ZBTB38: variants seen among roughly 807,000 people sequenced by gnomAD.
ZBTB38 encodes the protein zinc finger and BTB domain containing 38.
ZBTB38 carries 20 observed loss-of-function variants against 76.8 expected under a neutral mutation model. The observed-to-expected ratio is 0.26, with a 90% CI of 0.18 to 0.38. The LOEUF (loss-of-function observed/expected upper bound fraction) is 0.38, where lower values mean the gene tolerates loss of function less well. ZBTB38 is among the 10% of genes least tolerant of loss of function. The probability of loss-of-function intolerance (pLI) is 1.00; values close to 1 mark genes in which losing one functional copy is unlikely to be tolerated. For synonymous variants in ZBTB38, 504 were observed against 544.2 expected (o/e 0.93, Z 1.03); for missense variants, 1,082 against 1,482.3 (o/e 0.73, Z 4.43).
intron 2 of ZBTB38, among the ~76,000 whole-genome samples, chr3:141,376,311 A>G (rs1257850110): frequency 6.6e-6 from 1 of 152,206 alleles, no homozygotes; most frequent in Admixed American, 6.5e-5. Flanking sequence ...CTGGTGACAC[A>G]CAAGAGCCAG....
chr3:141,426,781 C>T (rs777579638), intron 5 of ZBTB38, among the ~76,000 whole-genome samples: 70 of 152,278 alleles, frequency 4.6e-4, no homozygotes, highest in Admixed American at 8.5e-4. Flanking sequence ...CAAAGCATGT[C>T]GGTAGTGCTT....
At chr3:141,330,456 C>T (rs1226314775) in intron 1 of ZBTB38, among the ~76,000 whole-genome samples, 1 of 152,180 alleles carries the variant, frequency 6.6e-6, no homozygotes, top group Admixed American at 6.5e-5. Flanking sequence ...CTCTGTGTCC[C>T]TTTTCTGATG....
In ZBTB38 at chr3:141,436,510, T is replaced by G. The variant is rs114089956; in HGVS notation, c.1-5879T>G. Among the ~76,000 whole-genome samples the G allele has an allele frequency of 4.6e-3, 705 of 152,310 alleles. 3 individuals carry two copies. Among genetic ancestry groups the G allele is most frequent in the African/African-American group, 0.014 (563 of 41,556 alleles). ...TCAAAAAAAGCTATATTGATTTTTT[T>G]TGTGTGTGACTGAGTCTTGCTCTGT... is the stretch of plus-strand genomic sequence containing the variant. On this transcript the variant is annotated intron_variant, in intron 5 of 5. Transcript: ENST00000321464.
At chr3:141,360,368 G>C (rs1260028222) in intron 1 of ZBTB38, among the ~76,000 whole-genome samples, 4 of 152,140 alleles carry the variant, frequency 2.6e-5, no homozygotes, top group Non-Finnish European at 5.9e-5. Context: ...AGGGATGAAC[G>C]TCTTAAGCTT....
chr3:141,384,076 T>C (rs1224513205), intron 3 of ZBTB38, among the ~76,000 whole-genome samples: 3 of 152,278 alleles, frequency 2.0e-5, no homozygotes, highest in African/African-American at 7.2e-5. Flanking sequence ...TATTTTCAAC[T>C]ATAGTTCACA....
At chr3:141,329,858 G>C (rs1180457478) in intron 1 of ZBTB38, among the ~76,000 whole-genome samples, 1 of 152,060 alleles carries the variant, frequency 6.6e-6, no homozygotes, top group Non-Finnish European at 1.5e-5. Context: ...GTGAGGCACG[G>C]TGGCTCACGC....
At chr3:141,394,840 T>C (rs1323111365) in intron 4 of ZBTB38, among the ~76,000 whole-genome samples, 1 of 152,244 alleles carries the variant, frequency 6.6e-6, no homozygotes, top group South Asian at 2.1e-4. Flanking sequence ...TTATTGATTT[T>C]AGACTCTATA....
At chr3:141,377,637 G>A (rs1324435859) in intron 2 of ZBTB38, among the ~76,000 whole-genome samples, 4 of 152,170 alleles carry the variant, frequency 2.6e-5, no homozygotes, top group Non-Finnish European at 4.4e-5. Flanking sequence ...TTATGTTCAC[G>A]CAATAAACTT....
rs377606105 is a variant in ZBTB38, at chr3:141,445,433, C to T, written c.3045C>T (p.Cys1015=). 131 of 1,614,168 alleles carry T rather than the reference C, an allele frequency of 8.1e-5. No homozygotes were observed. The highest frequency in any genetic ancestry group is 1.0e-4 in the Admixed American group (6 of 60,028). Residue 1015 remains cysteine, a synonymous_variant, in exon 6 of 6, where the codon TGC becomes TGT. Transcript: ENST00000321464. The surrounding 1 kb of genome is among the most constrained non-coding windows in gnomAD (Gnocchi z 6.5). ...CTCGGCCATATGCCTGCGAGCTCTG[C>T]GCCAAGCAGTTCCAGAGCCCTTCCA... ...LTSRPYACEL[C]AKQFQSPSTL... is the part of the protein sequence containing the mutation.
At chr3:141,378,185 CA>C (rs10662147) in intron 2 of ZBTB38, among the ~76,000 whole-genome samples, 168 of 135,652 alleles carry the variant, frequency 1.2e-3, no homozygotes, top group East Asian at 3.1e-3. Flanking sequence ...TCTCAACAAG[CA>C]AAAAAAAAAA....
chr3:141,359,254 G>T (rs1195239379), intron 1 of ZBTB38, among the ~76,000 whole-genome samples: 1 of 152,148 alleles, frequency 6.6e-6, no homozygotes, highest in African/African-American at 2.4e-5. Flanking sequence ...GCTCTTCAAG[G>T]AATCACCTCT....
chr3:141,437,170 C>T (rs1286379515), intron 5 of ZBTB38, among the ~76,000 whole-genome samples: 4 of 152,072 alleles, frequency 2.6e-5, no homozygotes, highest in Non-Finnish European at 4.4e-5. Context: ...AAGTTCCATT[C>T]GCAGATTTGG....
At position 141,446,016 on chromosome 3, in the gene ZBTB38, G is replaced by T; in HGVS notation, c.*40G>T. On this transcript the variant is annotated 3_prime_UTR_variant, in exon 6 of 6. Transcript: ENST00000321464. ...AAAAATCTTCAAAAATATAGTTGGT[G>T]GTTTTTTTAGTTATGATTTAAGTTT... is the stretch of plus-strand genomic sequence containing the variant. The T allele has an allele frequency of 2.0e-6, 3 of 1,488,564 alleles. No homozygotes were observed. The highest frequency in any genetic ancestry group is 1.3e-5 in the South Asian group (1 of 74,346). 92.2% of individuals were successfully genotyped at this position (1,488,564 alleles called of 1,614,324 possible).
chr3:141,397,047 CCTCT>C (rs1226073247), intron 4 of ZBTB38, among the ~76,000 whole-genome samples: 2 of 152,174 alleles, frequency 1.3e-5, no homozygotes, highest in East Asian at 3.8e-4. Context: ...ATTGATTTCT[CCTCT>C]CTATTTATGA....
chr3:141,363,936 G>T (rs976063336), upstream of ZBTB38, among the ~76,000 whole-genome samples: 6 of 152,148 alleles, frequency 3.9e-5, no homozygotes, highest in Non-Finnish European at 2.9e-5. Flanking sequence ...TCTCAAATAT[G>T]ATGCCAAAAG....
At chr3:141,352,755 A>C (rs1943555147) in intron 1 of ZBTB38, among the ~76,000 whole-genome samples, 1 of 152,056 alleles carries the variant, frequency 6.6e-6, no homozygotes, top group South Asian at 2.1e-4. Flanking sequence ...TATTTTCCCC[A>C]GATGAAGGAG....
intron 1 of ZBTB38, among the ~76,000 whole-genome samples, chr3:141,350,656 A>G (rs768204138): frequency 2.0e-5 from 3 of 152,184 alleles, no homozygotes; most frequent in Non-Finnish European, 2.9e-5. Flanking sequence ...TAGGTGATCA[A>G]TTTTCTTTGA....
At chr3:141,425,308 A>G (rs1422543361) in intron 5 of ZBTB38, among the ~76,000 whole-genome samples, 3 of 152,356 alleles carry the variant, frequency 2.0e-5, no homozygotes, top group Middle Eastern at 3.4e-3. Context: ...TCATATGGTA[A>G]CTCTACGTAT....
intron 5 of ZBTB38, among the ~76,000 whole-genome samples, chr3:141,428,613 G>A (rs1165426377): frequency 3.9e-5 from 6 of 152,016 alleles, no homozygotes; most frequent in African/African-American, 7.2e-5. Context: ...CCAGCCTCCC[G>A]AGTAGCTGGG....
Sources: gnomAD v4.1 joint callset for allele counts (sites outside exome capture counted in the v4.1 genomes callset) on GRCh38, gnomAD v4.1.1 for gene constraint, Gnocchi (gnomAD v3.1) non-coding constraint, MANE v1.5 for transcripts, NCBI Gene and HGNC (gene_info 2026-07-23, HGNC 2026-07-21) for gene names.